Variants in SEC22A observed in about 807,000 individuals in gnomAD.
SEC22A encodes the protein SEC22 homolog A, vesicle trafficking protein.
Under a neutral mutation model 35.3 loss-of-function variants are expected in SEC22A, and 22 were observed. The ratio of observed to expected loss-of-function variants is 0.62; its 90% confidence interval spans 0.45 to 0.89. The LOEUF is 0.89. Among genes scored for constraint, SEC22A ranks in the 40% least tolerant of loss-of-function variants. The pLI is 0.00. For synonymous variants in SEC22A, 119 were observed against 129.5 expected, an observed-to-expected ratio of 0.92 and a Z score of 0.55; for missense variants, 354 against 362.5, an observed-to-expected ratio of 0.98 and a Z score of 0.19.
chr3:123,257,392 C>G (rs1289166144), intron 5 of SEC22A, among the ~76,000 whole-genome samples: 1 of 152,180 alleles, frequency 6.6e-6, no homozygotes. Context: ...AAATATGCTC[C>G]TAAGTGTTTT....
intron 2 of SEC22A, among the ~76,000 whole-genome samples, chr3:123,214,698 A>G (rs908226812): frequency 3.9e-5 from 6 of 152,234 alleles, no homozygotes; most frequent in Non-Finnish European, 5.9e-5. Flanking sequence ...TGAGATCTTT[A>G]AAACTTTGCA....
chr3:123,271,815 G>A lies in SEC22A; in HGVS notation c.*93G>A. The A allele has an allele frequency of 9.6e-7, 1 of 1,041,212 alleles. No individual in the cohort carries two copies. Among genetic ancestry groups the A allele is most frequent in the Non-Finnish European group, 1.4e-6 (1 of 707,890 alleles). The allele number at this position is 1,041,212 out of a possible 1,614,324, so 64.5% of individuals were successfully genotyped here. A position where few individuals can be genotyped will look rare whatever the true frequency, so the allele number is the denominator to read the frequency against. ...TGATGAAGAAGCTGTTCCCCACAGA[G>A]GAGAAGCTCTGCTTTCTTTCTCTCC... On this transcript the variant is annotated 3_prime_UTR_variant, in exon 7 of 7. Transcript: ENST00000492595.
chr3:123,268,850 C>G (rs1027779492), intron 6 of SEC22A, among the ~76,000 whole-genome samples: 3 of 152,088 alleles, frequency 2.0e-5, no homozygotes, highest in Admixed American at 2.0e-4. Context: ...AGTCTCCCAG[C>G]CTTTTTGTTG....
At chr3:123,270,497 A>T (rs1312289984) in intron 6 of SEC22A, among the ~76,000 whole-genome samples, 1 of 152,176 alleles carries the variant, frequency 6.6e-6, no homozygotes, top group Non-Finnish European at 1.5e-5. Context: ...TCCTATACTT[A>T]CCAGGTTGTG....
rs373278460 is a variant in SEC22A, at chr3:123,271,624, C to G, written c.826C>G (p.Leu276Val). The G allele has an allele frequency of 1.9e-6, 3 of 1,614,068 alleles. No individual in the cohort carries two copies. The African/African-American group carries it at 4.0e-5, about 22-fold the overall frequency. Reference sequence around the variant, plus strand: ...CATGTATCTCTATGAACTGCGCAACCTCTGGCAGCTTTTCTTTCATGTGAC... The same window carrying G: ...CATGTATCTCTATGAACTGCGCAACGTCTGGCAGCTTTTCTTTCATGTGAC... Reference protein sequence around the residue: ...CNMYLYELRNLWQLFFHVTVG... With the variant: ...CNMYLYELRNVWQLFFHVTVG... The change falls in exon 7 of 7, where the codon CTC becomes GTC. Residue 276 changes from leucine to valine, a missense_variant. Coordinates refer to ENST00000492595, the MANE Select transcript of SEC22A (RefSeq NM_012430.5).
chr3:123,256,707 ATTAGAGTG>A (rs1488224301), intron 5 of SEC22A, among the ~76,000 whole-genome samples: 2 of 151,026 alleles, frequency 1.3e-5, no homozygotes, highest in Non-Finnish European at 2.9e-5. Flanking sequence ...ATCTGCCTTA[ATTAGAGTG>A]ACCTCCTTAA....
chr3:123,203,888 G>T (rs961715343), intron 1 of SEC22A, among the ~76,000 whole-genome samples: 2 of 152,158 alleles, frequency 1.3e-5, no homozygotes, highest in Non-Finnish European at 2.9e-5. Context: ...TGTCCTAGAT[G>T]TGGGTAAAAT....
At chr3:123,238,976 A>C (rs974029397) in intron 4 of SEC22A, among the ~76,000 whole-genome samples, 1 of 152,212 alleles carries the variant, frequency 6.6e-6, no homozygotes, top group Non-Finnish European at 1.5e-5. Context: ...CAACGATATC[A>C]ACATTTTGCC....
Position 123,240,409 on chromosome 3 carries a change from A to G in SEC22A, c.542-5490A>G, listed in dbSNP as rs182215045. Among the ~76,000 whole-genome samples the G allele has an allele frequency of 1.6e-4, 25 of 152,236 alleles. No homozygotes were observed. In the East Asian group the frequency reaches 3.5e-3, roughly 21 times the overall value. ...TAAAAGAAGACTACATTGTGTGACT[A>G]TTGTGTTCAGCTTCTTTTGCACAGC... is the stretch of plus-strand genomic sequence containing the variant. On this transcript the variant is annotated intron_variant, in intron 4 of 6. Coordinates refer to ENST00000492595, the MANE Select transcript of SEC22A (RefSeq NM_012430.5).
intron 4 of SEC22A, among the ~76,000 whole-genome samples, chr3:123,230,087 G>T (rs1342314363): frequency 2.6e-5 from 4 of 151,686 alleles, no homozygotes; most frequent in Non-Finnish European, 5.9e-5. Flanking sequence ...ATTTGAGGTT[G>T]CAGTGAGGTA....
Position 123,271,840 on chromosome 3 carries a change from C to T in SEC22A, c.*118C>T. 1.2e-6 allele frequency: 1 copy of T among 843,378 alleles called. No individual in the cohort carries two copies. Among genetic ancestry groups the T allele is most frequent in the Non-Finnish European group, 1.8e-6 (1 of 548,754 alleles). 52.2% of individuals were successfully genotyped at this position (843,378 alleles called of 1,614,324 possible). A position where few individuals can be genotyped will look rare whatever the true frequency, so the allele number is the denominator to read the frequency against. On this transcript the variant is annotated 3_prime_UTR_variant, in exon 7 of 7. Coordinates refer to ENST00000492595, the MANE Select transcript of SEC22A (RefSeq NM_012430.5). ...GGAGAAGCTCTGCTTTCTTTCTCTC[C>T]AACTTTCCTTTTTTAAAATCAGCAT...
chr3:123,216,098 G>A lies in SEC22A; in HGVS notation c.182+6699G>A, dbSNP rs77574564. 2.2e-4 allele frequency among the ~76,000 whole-genome samples: 33 copies of A among 152,280 alleles called. No individual in the cohort carries two copies. In the East Asian group the frequency reaches 6.0e-3, roughly 28 times the overall value. ...TTTCTCCTGCTTATTATGGCAAAAT[G>A]TACAGCTTTTCAGCACCATGTATGT... On this transcript the variant is annotated intron_variant, in intron 2 of 6. Coordinates refer to ENST00000492595, the MANE Select transcript of SEC22A (RefSeq NM_012430.5).
intron 1 of SEC22A, among the ~76,000 whole-genome samples, chr3:123,207,353 C>A (rs1936869521): frequency 6.6e-6 from 1 of 151,436 alleles, no homozygotes; most frequent in South Asian, 2.1e-4. Flanking sequence ...CTCATTTTTT[C>A]CTTTTTGGAA....
chr3:123,206,905 T>C (rs1936863159), intron 1 of SEC22A, among the ~76,000 whole-genome samples: 1 of 152,214 alleles, frequency 6.6e-6, no homozygotes, highest in Non-Finnish European at 1.5e-5. Flanking sequence ...CTGGCCAACA[T>C]GGCGAAACCT....
At chr3:123,202,343 T>C (rs1335314118) in intron 1 of SEC22A, among the ~76,000 whole-genome samples, 1 of 152,116 alleles carries the variant, frequency 6.6e-6, no homozygotes, top group East Asian at 1.9e-4. Context: ...GTGGTGGGGA[T>C]TCCCTGGCGC....
chr3:123,211,878 G>A (rs558388574), intron 2 of SEC22A, among the ~76,000 whole-genome samples: 4 of 152,068 alleles, frequency 2.6e-5, no homozygotes, highest in Non-Finnish European at 5.9e-5. Flanking sequence ...GATCAGCATG[G>A]GCAACATGGG....
At chr3:123,260,183 T>C in intron 6 of SEC22A, among the ~76,000 whole-genome samples, 1 of 135,984 alleles carries the variant, frequency 7.4e-6, no homozygotes, top group Non-Finnish European at 1.6e-5. Flanking sequence ...CTAGATTTTC[T>C]GGTGGTTGAT....
At chr3:123,250,534 G>A (rs910296744) in intron 5 of SEC22A, among the ~76,000 whole-genome samples, 1 of 152,180 alleles carries the variant, frequency 6.6e-6, no homozygotes, top group East Asian at 1.9e-4. Flanking sequence ...AACCTGTTGT[G>A]CCCAGCCCAC....
intron 4 of SEC22A, among the ~76,000 whole-genome samples, chr3:123,229,536 C>G (rs1290999546): frequency 6.6e-6 from 1 of 152,148 alleles, no homozygotes; most frequent in African/African-American, 2.4e-5. Context: ...TAAGAGAATT[C>G]GTTACTAGCA....
Sources: allele counts gnomAD v4.1 joint callset (sites outside exome capture counted in the v4.1 genomes callset), GRCh38; gene constraint gnomAD v4.1.1; transcripts MANE v1.5; gene names NCBI Gene and HGNC (gene_info 2026-07-23, HGNC 2026-07-21).